Variants in MED27 observed in about 807,000 individuals in gnomAD.
The protein encoded by MED27 is mediator of RNA polymerase II transcription subunit 27.
Under a neutral mutation model 38.2 loss-of-function variants are expected in MED27, and 30 were observed. That is an observed-to-expected ratio of 0.79 (90% CI 0.59 to 1.07). MED27 has a LOEUF of 1.07. MED27 is among the 50% of genes least tolerant of loss of function. MED27 has a pLI of 0.00. For missense variants in MED27, 289 were observed against 397.5 expected, an observed-to-expected ratio of 0.73 and a Z score of 2.32; for synonymous variants, 122 against 153.5, an observed-to-expected ratio of 0.79 and a Z score of 1.52.
At chr9:132,041,881 T>G (rs1419874788) in intron 2 of MED27, among the ~76,000 whole-genome samples, 4 of 152,266 alleles carry the variant, frequency 2.6e-5, no homozygotes, top group Admixed American at 2.6e-4. Flanking sequence ...ATTAAATACC[T>G]ACTTTGCTTA....
intron 3 of MED27, among the ~76,000 whole-genome samples, chr9:132,000,729 GA>G (rs1413962655): frequency 6.6e-6 from 1 of 151,060 alleles, no homozygotes; most frequent in Non-Finnish European, 1.5e-5. Context: ...ATGCTGAGTA[GA>G]AAAGTCAGAT....
intron 3 of MED27, among the ~76,000 whole-genome samples, chr9:131,979,285 G>A (rs925648940): frequency 7.2e-5 from 11 of 152,138 alleles, no homozygotes; most frequent in African/African-American, 2.7e-4. Context: ...TTAAAGAACA[G>A]CATCAGCACA....
At chr9:131,879,933 T>C (rs747051406) in intron 6 of MED27, among the ~76,000 whole-genome samples, 14 of 152,200 alleles carry the variant, frequency 9.2e-5, no homozygotes, top group Non-Finnish European at 1.9e-4. Context: ...ACCGAATCCT[T>C]CTCTTTTGGT....
rs1838854544 is a variant in MED27, at chr9:131,872,471, C to A, written c.724-9331G>T. The stretch of plus-strand genomic sequence containing the variant: ...AAGAGAAGCCTGGTAGGGACCCAGA[C>A]TGTGGCTTCCCTCCAGCCAATATCG... On this transcript the variant is annotated intron_variant, in intron 6 of 7. Transcript: ENST00000292035. The surrounding 1 kb of genome is among the most constrained non-coding windows in gnomAD (Gnocchi z 5.6). Among the ~76,000 whole-genome samples, 1 of 152,236 alleles carries A rather than the reference C, an allele frequency of 6.6e-6. No homozygotes were observed. Among genetic ancestry groups the A allele is most frequent in the Admixed American group, 6.5e-5 (1 of 15,288 alleles).
intron 3 of MED27, among the ~76,000 whole-genome samples, chr9:132,000,521 T>C (rs967723638): frequency 6.6e-6 from 1 of 152,104 alleles, no homozygotes; most frequent in Non-Finnish European, 1.5e-5. Context: ...CCAAGAGAAA[T>C]GAAAGCACAT....
At chr9:131,927,277 C>T (rs1830499630) in intron 4 of MED27, among the ~76,000 whole-genome samples, 1 of 152,204 alleles carries the variant, frequency 6.6e-6, no homozygotes, top group African/African-American at 2.4e-5. Context: ...TTAGATTTGA[C>T]ATTAGCTAGG....
At chr9:131,894,634 C>A (rs1267956679) in intron 4 of MED27, among the ~76,000 whole-genome samples, 1 of 150,742 alleles carries the variant, frequency 6.6e-6, no homozygotes, top group Non-Finnish European at 1.5e-5. Context: ...AAAAAAAAAT[C>A]CTAAAAAAAG....
chr9:132,058,899 T>C (rs1380334475), intron 2 of MED27, among the ~76,000 whole-genome samples: 1 of 152,256 alleles, frequency 6.6e-6, no homozygotes, highest in African/African-American at 2.4e-5. Flanking sequence ...CAGTGCTTTA[T>C]CTTTCTTAGT....
intron 4 of MED27, among the ~76,000 whole-genome samples, chr9:131,919,621 G>C (rs983803828): frequency 1.3e-5 from 2 of 152,078 alleles, no homozygotes; most frequent in Non-Finnish European, 2.9e-5. Context: ...GGGGTCCCAA[G>C]TAGGGGTGAG....
At chr9:131,898,577 G>A (rs541562111) in intron 4 of MED27, among the ~76,000 whole-genome samples, 1 of 151,284 alleles carries the variant, frequency 6.6e-6, no homozygotes, top group African/African-American at 2.4e-5. Flanking sequence ...AATAGGCATA[G>A]AATTATGGCT....
At chr9:132,073,678 G>A in intron 2 of MED27, 1 of 1,516,016 alleles carries the variant, frequency 6.6e-7, no homozygotes, top group Non-Finnish European at 8.8e-7. Flanking sequence ...GTTCAGGAGG[G>A]CAGGAGGGAG....
chr9:131,862,695 G>A lies in MED27; in HGVS notation c.801+368C>T, dbSNP rs1005799187. Among the ~76,000 whole-genome samples the A allele has an allele frequency of 2.0e-5, 3 of 152,206 alleles. No individual in the cohort carries two copies. Among genetic ancestry groups the A allele is most frequent in the East Asian group, 1.9e-4 (1 of 5,194 alleles). On this transcript the variant is annotated intron_variant, in intron 7 of 7. Coordinates refer to ENST00000292035, the MANE Select transcript of MED27 (RefSeq NM_004269.4). This position sits in a 1 kb window ranked among gnomAD's most constrained non-coding sequence, Gnocchi z 4.6. ...AACTCCGAAAATCGAAGGAGGAAACGTCTTGGGAAACTGCACGATCTGTTA... is the reference window on the plus strand; with the variant it reads ...AACTCCGAAAATCGAAGGAGGAAACATCTTGGGAAACTGCACGATCTGTTA...
In MED27 at chr9:132,027,294, C is replaced by T. The variant is rs145346455; in HGVS notation, c.349-12827G>A. 3.0e-4 allele frequency among the ~76,000 whole-genome samples: 45 copies of T among 152,338 alleles called. 1 individual carries two copies. In the East Asian group the frequency reaches 7.9e-3, roughly 27 times the overall value. On this transcript the variant is annotated intron_variant, in intron 2 of 7. Transcript: ENST00000292035. ...AGAACGCAGGAGCCGTGTCCACAAC[C>T]AGGCCTCTTAGAGACCAGAATGCAG...
chr9:131,965,657 G>A (rs981403152), intron 3 of MED27, among the ~76,000 whole-genome samples: 1 of 152,178 alleles, frequency 6.6e-6, no homozygotes, highest in African/African-American at 2.4e-5. Flanking sequence ...GCAGAGCTGA[G>A]TGAGATGAAA....
At chr9:132,023,069 C>T (rs1292516834) in intron 2 of MED27, among the ~76,000 whole-genome samples, 4 of 152,134 alleles carry the variant, frequency 2.6e-5, no homozygotes, top group Non-Finnish European at 4.4e-5. Flanking sequence ...AATGCTAGAG[C>T]CCTAATAGGC....
intron 6 of MED27, among the ~76,000 whole-genome samples, chr9:131,877,789 T>C (rs990330492): frequency 1.3e-5 from 2 of 152,150 alleles, no homozygotes; most frequent in African/African-American, 4.8e-5. Flanking sequence ...TGAATACTAT[T>C]GGGGTTGGTA....
intron 3 of MED27, among the ~76,000 whole-genome samples, chr9:131,945,611 G>A (rs1292918323): frequency 6.6e-6 from 1 of 151,888 alleles, no homozygotes; most frequent in Non-Finnish European, 1.5e-5. Context: ...CAAGCCCTTG[G>A]TAACTACCAT....
At chr9:131,881,128 AT>A (rs1839029079) in intron 6 of MED27, among the ~76,000 whole-genome samples, 1 of 152,188 alleles carries the variant, frequency 6.6e-6, no homozygotes, top group African/African-American at 2.4e-5. Flanking sequence ...AAAGCTGACC[AT>A]TTTAATGTTC....
At position 131,860,817 on chromosome 9, in the gene MED27, C is replaced by T. The variant is rs528747661; in HGVS notation, c.802-145G>A. 7.3e-5 allele frequency: 65 copies of T among 892,800 alleles called. No homozygotes were observed. Among genetic ancestry groups the T allele is most frequent in the Admixed American group, 1.5e-4 (6 of 39,822 alleles). 55.3% of individuals were successfully genotyped at this position (892,800 alleles called of 1,614,324 possible). On this transcript the variant is annotated intron_variant, in intron 7 of 7. Coordinates refer to ENST00000292035, the MANE Select transcript of MED27 (RefSeq NM_004269.4). This position sits in a 1 kb window ranked among gnomAD's most constrained non-coding sequence, Gnocchi z 5.8. ...CTGTGATTTCACAGGGAGCAGCAGG[C>T]GGAACCCACAAGGTCACCTGACTGC...
Sources: allele counts gnomAD v4.1 joint callset (sites outside exome capture counted in the v4.1 genomes callset), GRCh38; gene constraint gnomAD v4.1.1; non-coding constraint Gnocchi (gnomAD v3.1); transcripts MANE v1.5; gene names NCBI Gene and HGNC (gene_info 2026-07-23, HGNC 2026-07-21).